Variants in CFH observed in about 807,000 individuals in gnomAD.
The protein encoded by CFH is complement factor H, also known as H factor 1 (complement).
Under a neutral mutation model 147.3 loss-of-function variants are expected in CFH, and 53 were observed. That is an observed-to-expected ratio of 0.36 (90% CI 0.29 to 0.45). The LOEUF (loss-of-function observed/expected upper bound fraction) is 0.45. CFH is among the 20% of genes least tolerant of loss of function. The pLI is 1.00. For missense variants in CFH, 1,380 were observed against 1,498.0 expected (o/e 0.92, Z 1.30); for synonymous variants, 536 against 489.4 (o/e 1.10, Z -1.26).
rs1228197010 is a variant in CFH, at chr1:196,728,431, T to C, written c.2322T>C (p.Asn774=). ...AAAACAAGAAGGAATTCGATCATAA[T>C]TCTAACATAAGGTACAGATGTAGAG... is the stretch of plus-strand genomic sequence containing the variant. The part of the protein sequence containing the change: ...HLKNKKEFDH[N]SNIRYRCRGK... Residue 774 remains asparagine (N), a synonymous_variant, in exon 15 of 22, where the codon AAT becomes AAC. Transcript: ENST00000367429. 1.2e-6 allele frequency: 2 copies of C among 1,610,788 alleles called. No homozygotes were observed. The highest frequency in any genetic ancestry group is 1.7e-6 in the Non-Finnish European group (2 of 1,177,988).
Position 196,652,274 on chromosome 1 carries a change from C to T in CFH, c.58+99C>T, listed in dbSNP as rs1354067973. ...ATAAAAATTTGATTTAGAAAATGTGCTTAAGTATTCTGTAACTTGACAATT... is the reference window on the plus strand; with the variant it reads ...ATAAAAATTTGATTTAGAAAATGTGTTTAAGTATTCTGTAACTTGACAATT... On this transcript the variant is annotated intron_variant, in intron 1 of 21. Transcript: ENST00000367429. 6 of 897,414 alleles carry T rather than the reference C, an allele frequency of 6.7e-6. No individual in the cohort carries two copies. In the East Asian group the frequency reaches 1.5e-4, roughly 23 times the overall value. The allele number at this position is 897,414 out of a possible 1,614,324, so 55.6% of individuals were successfully genotyped here.
chr1:196,741,085 A>G (rs2149115292), intron 18 of CFH: 2 of 386,408 alleles, frequency 5.2e-6, no homozygotes, highest in South Asian at 5.6e-5. Context: ...TCTCCACATT[A>G]TTCAATCTTC....
intron 9 of CFH, among the ~76,000 whole-genome samples, chr1:196,696,588 A>G (rs1342932460): frequency 6.6e-6 from 1 of 151,364 alleles, no homozygotes. Flanking sequence ...TCTATAAATT[A>G]CCTTTGGCAG....
chr1:196,680,855 C>A (rs954880643), intron 6 of CFH, among the ~76,000 whole-genome samples: 3 of 151,926 alleles, frequency 2.0e-5, no homozygotes, highest in Admixed American at 1.3e-4. Context: ...TTGGTTTGAG[C>A]CCACAAGTGT....
intron 10 of CFH, among the ~76,000 whole-genome samples, chr1:196,714,597 A>ATGTGTGTGTGTG (rs3043112): frequency 9.6e-6 from 1 of 103,920 alleles, no homozygotes; most frequent in African/African-American, 4.0e-5. Flanking sequence ...ACTCAGTAAT[A>ATGTGTGTGTGTG]TGTGTGTGTG....
intron 9 of CFH, among the ~76,000 whole-genome samples, chr1:196,695,977 A>G (rs1668250785): frequency 6.6e-6 from 1 of 152,074 alleles, no homozygotes. Flanking sequence ...CTCTCTTCCT[A>G]TTTGAATACT....
chr1:196,665,803 C>T (rs1667064206), intron 1 of CFH, among the ~76,000 whole-genome samples: 1 of 152,066 alleles, frequency 6.6e-6, no homozygotes, highest in Admixed American at 6.6e-5. Context: ...GACGGGGTTT[C>T]GACATGTTTG....
chr1:196,733,825 G>A (rs1390839490), intron 15 of CFH, among the ~76,000 whole-genome samples: 1 of 152,040 alleles, frequency 6.6e-6, no homozygotes, highest in Non-Finnish European at 1.5e-5. Context: ...CCTGATGCAA[G>A]TTCATTAGAA....
At chr1:196,687,003 T>TA (rs1168977494) in intron 7 of CFH, among the ~76,000 whole-genome samples, 3 of 152,092 alleles carry the variant, frequency 2.0e-5, no homozygotes, top group African/African-American at 7.2e-5. Flanking sequence ...ATTGGAATGA[T>TA]ACAGAGGATG....
chr1:196,745,446 T>A (rs1281146680), intron 20 of CFH, among the ~76,000 whole-genome samples: 1 of 152,218 alleles, frequency 6.6e-6, no homozygotes, highest in Non-Finnish European at 1.5e-5. Context: ...TCAGTGTTTT[T>A]AAAAAATTTT....
rs140742071 is a variant in CFH, at chr1:196,710,238, G to T, written c.1337-3497G>T. On this transcript the variant is annotated intron_variant, in intron 9 of 21. Transcript: ENST00000367429. ...TTGCACATAGCCCCTTCTCAGAACA[G>T]ATCTGGGGCTTGAGAATCCTCCCAA... is the stretch of plus-strand genomic sequence containing the variant. 4.6e-5 allele frequency among the ~76,000 whole-genome samples: 7 copies of T among 152,260 alleles called. No individual in the cohort carries two copies. The South Asian group carries it at 6.2e-4, about 14-fold the overall frequency.
intron 9 of CFH, among the ~76,000 whole-genome samples, chr1:196,692,877 ACCTC>A (rs1173785757): frequency 0.016 from 113 of 7,198 alleles, 11 homozygotes; most frequent in East Asian, 0.045. Flanking sequence ...TCCCTCTGTC[ACCTC>A]CCTCCCTCCC....
chr1:196,661,973 G>T (rs1666925742), intron 1 of CFH, among the ~76,000 whole-genome samples: 1 of 152,148 alleles, frequency 6.6e-6, no homozygotes, highest in African/African-American at 2.4e-5. Context: ...CACAGGGCAG[G>T]TAGTCAGAAA....
At chr1:196,714,662 TATATATAGAGAGAG>T (rs1233048781) in intron 10 of CFH, among the ~76,000 whole-genome samples, 25 of 37,448 alleles carry the variant, frequency 6.7e-4, no homozygotes, top group Middle Eastern at 0.019. Flanking sequence ...TATATATATA[TATATATAGAGAGAG>T]AGAGAGAGAG....
intron 14 of CFH, among the ~76,000 whole-genome samples, chr1:196,728,040 A>G (rs1669188233): frequency 6.6e-6 from 1 of 152,144 alleles, no homozygotes; most frequent in Non-Finnish European, 1.5e-5. Context: ...CCTGAATTCT[A>G]AGAGTCCTAA....
intron 9 of CFH, among the ~76,000 whole-genome samples, chr1:196,695,813 T>G (rs1362698728): frequency 1.3e-5 from 2 of 152,166 alleles, no homozygotes; most frequent in Non-Finnish European, 2.9e-5. Context: ...TGTCTATTAC[T>G]GATGTATAGG....
chr1:196,725,338 C>T (rs756743061), intron 12 of CFH, 41 bp downstream of exon 12: 24 of 1,582,156 alleles, frequency 1.5e-5, no homozygotes, highest in South Asian at 4.4e-5. Context: ...AGAATTAGAA[C>T]TTTGAATACC....
At position 196,701,390 on chromosome 1, in the gene CFH, A is replaced by G. The variant is rs74443307; in HGVS notation, c.1336+11151A>G. The G allele has an allele frequency of 1.0e-3, 1,611 of 1,613,238 alleles. 16 individuals carry two copies. In the African/African-American group the frequency reaches 0.018, roughly 18 times the overall value. On this transcript the variant is annotated intron_variant, in intron 9 of 21. Transcript: ENST00000367429. ...AGTGGATCAAAGATGACAAGGGCCA[A>G]TGGAACCAAGTTTGAGTCTTGCCAG...
intron 9 of CFH, among the ~76,000 whole-genome samples, chr1:196,696,757 C>G (rs1668286745): frequency 6.6e-6 from 1 of 152,180 alleles, no homozygotes; most frequent in Admixed American, 6.5e-5. Flanking sequence ...TCAAACTATA[C>G]TACAAGCCCA....
Sources: gnomAD v4.1 joint callset for allele counts (sites outside exome capture counted in the v4.1 genomes callset) on GRCh38, gnomAD v4.1.1 for gene constraint, MANE v1.5 for transcripts, NCBI Gene and HGNC (gene_info 2026-07-23, HGNC 2026-07-21) for gene names.